The following ADAMTS12 variants were observed in gnomAD, a reference collection of about 807,000 sequenced individuals.
ADAMTS12 encodes A disintegrin and metalloproteinase with thrombospondin motifs 12.
ADAMTS12 carries 118 observed loss-of-function variants against 167.8 expected under a neutral mutation model. That is an observed-to-expected ratio of 0.70 (90% CI 0.61 to 0.82). The LOEUF is 0.82. Ranked by LOEUF, ADAMTS12 falls within the 40% of genes least tolerant of loss-of-function variation. The pLI is 0.00. For missense variants in ADAMTS12, 1,916 were observed against 1,998.8 expected (o/e 0.96, Z 0.79); for synonymous variants, 704 against 716.9 (o/e 0.98, Z 0.29).
chr5:33,738,064 C>G (rs1480747615), intron 3 of ADAMTS12, among the ~76,000 whole-genome samples: 1 of 152,174 alleles, frequency 6.6e-6, no homozygotes, highest in African/African-American at 2.4e-5. Context: ...GACAGGCTCA[C>G]CCAACTACAG....
chr5:33,856,268 A>C (rs1361522746), intron 2 of ADAMTS12, among the ~76,000 whole-genome samples: 2 of 152,152 alleles, frequency 1.3e-5, no homozygotes, highest in Admixed American at 6.5e-5. Context: ...CTGCTGTTTG[A>C]GACTAAATAA....
Position 33,658,248 on chromosome 5 carries a change from A to C in ADAMTS12, c.1126T>G (p.Cys376Gly). Residue 376 changes from cysteine (C) to glycine (G), a missense_variant, in exon 7 of 24, where the codon TGT becomes GGT. Transcript: ENST00000504830. ...LSGMCQPHRS[C>G]NINEDSGLPL... ...AGTCCCGAATCTTCATTGATGTTAC[A>C]ACTGCGGTGAGGCTGACACATTCCT... 6.2e-7 allele frequency: 1 copy of C among 1,613,716 alleles called. No individual in the cohort carries two copies. Among genetic ancestry groups the C allele is most frequent in the Middle Eastern group, 1.7e-4 (1 of 6,052 alleles).
At chr5:33,883,842 A>G (rs1439072837) in intron 1 of ADAMTS12, among the ~76,000 whole-genome samples, 1 of 152,034 alleles carries the variant, frequency 6.6e-6, no homozygotes, top group African/African-American at 2.4e-5. Flanking sequence ...CTGTCCACTC[A>G]CTCCCTAAGA....
intron 3 of ADAMTS12, among the ~76,000 whole-genome samples, chr5:33,724,530 C>A (rs1301954471): frequency 2.0e-5 from 3 of 150,100 alleles, no homozygotes; most frequent in African/African-American, 7.3e-5. Flanking sequence ...GCTTGGTCAT[C>A]AAGGCTAACA....
At chr5:33,764,897 T>A (rs1745478119) in intron 2 of ADAMTS12, among the ~76,000 whole-genome samples, 1 of 151,948 alleles carries the variant, frequency 6.6e-6, no homozygotes, top group South Asian at 2.1e-4. Flanking sequence ...TTCTTACCAT[T>A]CTCTCAGCAT....
Position 33,546,125 on chromosome 5 carries a change from T to A in ADAMTS12, c.4380A>T (p.Arg1460Ser), listed in dbSNP as rs2111815752. The change falls in exon 22 of 24, where the codon AGA becomes AGT. Residue 1460 changes from arginine to serine, a missense_variant. Arg to Ser is a moderately radical substitution (Grantham distance 110). Coordinates refer to ENST00000504830, the MANE Select transcript of ADAMTS12 (RefSeq NM_030955.4). ...CPGGLCDWTK[R>S]PTSTMSCNEH... ...CATTGCAAGACATGGTGGATGTGGG[T>A]CTTTTTGTCCAATCACAGAGGCCTC... 1 of 1,613,760 alleles carries A rather than the reference T, an allele frequency of 6.2e-7. No homozygotes were observed. The highest frequency in any genetic ancestry group is 8.5e-7 in the Non-Finnish European group (1 of 1,179,954).
rs577351267 is a variant in ADAMTS12, at chr5:33,839,957, G to A, written c.489+41162C>T. On this transcript the variant is annotated intron_variant, in intron 2 of 23. Coordinates refer to ENST00000504830, the MANE Select transcript of ADAMTS12 (RefSeq NM_030955.4). ...GAAAAAGACACTACAAAAAGAAGAC[G>A]GTTTGGGCATTAAATAATTCAAATT... Among the ~76,000 whole-genome samples, 7 of 152,282 alleles carry A rather than the reference G, an allele frequency of 4.6e-5. No individual in the cohort carries two copies. The East Asian group carries it at 7.7e-4, about 17-fold the overall frequency.
rs149480362 is a variant in ADAMTS12 at position 33,759,500 on chromosome 5, G to T, written c.490-7952C>A. The stretch of plus-strand genomic sequence containing the variant: ...ATGACAAAATGGTTTTTGCTGACAA[G>T]AACTAAATAAGGCAATTCATGAAAA... On this transcript the variant is annotated intron_variant, in intron 2 of 23. Transcript: ENST00000504830. 4.6e-5 allele frequency among the ~76,000 whole-genome samples: 7 copies of T among 152,200 alleles called. No individual in the cohort carries two copies. The East Asian group carries it at 1.4e-3, about 29-fold the overall frequency.
chr5:33,699,055 G>T (rs1215179582), intron 3 of ADAMTS12, among the ~76,000 whole-genome samples: 1 of 152,186 alleles, frequency 6.6e-6, no homozygotes, highest in African/African-American at 2.4e-5. Flanking sequence ...TACTTGGGAG[G>T]CTGAGGCAGG....
At chr5:33,527,443 T>G (rs1396356856) in intron 23 of ADAMTS12, 77 bp from the exon 24 acceptor site, 2 of 1,392,638 alleles carry the variant, frequency 1.4e-6, no homozygotes, top group Non-Finnish European at 2.0e-6. Context: ...CTTCTATTAA[T>G]GTAAGACTTT....
At chr5:33,574,722 AT>A (rs1410716587) in intron 19 of ADAMTS12, among the ~76,000 whole-genome samples, 6 of 152,178 alleles carry the variant, frequency 3.9e-5, no homozygotes, top group Non-Finnish European at 8.8e-5. Context: ...CATTGTGCAC[AT>A]GTACCCTAAA....
chr5:33,580,594 T>G (rs1802777872), intron 18 of ADAMTS12, among the ~76,000 whole-genome samples: 1 of 152,176 alleles, frequency 6.6e-6, no homozygotes, highest in African/African-American at 2.4e-5. Context: ...TTTAATATTT[T>G]AAAACAGAAG....
At chr5:33,674,044 G>C (rs12657884) in intron 5 of ADAMTS12, among the ~76,000 whole-genome samples, 145,508 of 152,268 alleles carry the variant, frequency 0.96, 69,873 homozygotes, top group Non-Finnish European at 1. Context: ...TTCCTCTTAG[G>C]GCCTCCAGAA....
At chr5:33,541,867 C>A (rs916097101) in intron 22 of ADAMTS12, among the ~76,000 whole-genome samples, 1 of 152,134 alleles carries the variant, frequency 6.6e-6, no homozygotes, top group African/African-American at 2.4e-5. Context: ...ACAACCGGTA[C>A]CAGCCACTGC....
Position 33,891,672 on chromosome 5 carries a change from A to G in ADAMTS12, c.127+58T>C, listed in dbSNP as rs1383893129. ...TGGGGGAAGGGAAAGGGGAGCAACA[A>G]AATTCCCGCAAGTCTTACCACCACT... On this transcript the variant is annotated intron_variant, in intron 1 of 23. Coordinates refer to ENST00000504830, the MANE Select transcript of ADAMTS12 (RefSeq NM_030955.4). 1.7e-5 allele frequency: 27 copies of G among 1,606,930 alleles called. No homozygotes were observed. The East Asian group carries it at 6.0e-4, about 36-fold the overall frequency.
intron 3 of ADAMTS12, among the ~76,000 whole-genome samples, chr5:33,712,526 A>C (rs1036978653): frequency 3.9e-5 from 6 of 152,132 alleles, no homozygotes; most frequent in African/African-American, 1.4e-4. Flanking sequence ...TGGCAACACT[A>C]AGCCACAGAG....
chr5:33,859,855 T>C (rs1749537509), intron 2 of ADAMTS12, among the ~76,000 whole-genome samples: 2 of 152,080 alleles, frequency 1.3e-5, no homozygotes, highest in Non-Finnish European at 2.9e-5. Context: ...CTGCTACTAA[T>C]ATCCAGGCAA....
chr5:33,856,729 A>G (rs1299334866), intron 2 of ADAMTS12, among the ~76,000 whole-genome samples: 3 of 152,230 alleles, frequency 2.0e-5, no homozygotes, highest in Admixed American at 1.3e-4. Context: ...CAGAATGGCT[A>G]TTATAAAAAA....
intron 3 of ADAMTS12, among the ~76,000 whole-genome samples, chr5:33,699,909 A>G (rs1259606506): frequency 2.0e-5 from 3 of 152,224 alleles, no homozygotes; most frequent in Non-Finnish European, 4.4e-5. Context: ...AGAACTGAAG[A>G]GGATATCCAG....
Sources: allele counts gnomAD v4.1 joint callset (sites outside exome capture counted in the v4.1 genomes callset), GRCh38; gene constraint gnomAD v4.1.1; transcripts MANE v1.5; gene names NCBI Gene and HGNC (gene_info 2026-07-23, HGNC 2026-07-21).